The following SDK1 variants were observed in gnomAD, a reference collection of about 807,000 sequenced individuals.
SDK1 encodes sidekick cell adhesion molecule 1, also known as protein sidekick-1.
SDK1 carries 157 observed loss-of-function variants against 245.5 expected under a neutral mutation model. The ratio of observed to expected loss-of-function variants is 0.64; its 90% CI spans 0.56 to 0.73. The LOEUF is 0.73. Among genes scored for constraint, SDK1 ranks in the 30% least tolerant of loss-of-function variants. SDK1 has a pLI of 0.00. For missense variants in SDK1, 3,583 were observed against 3,002.3 expected, an observed-to-expected ratio of 1.19 and a Z score of -4.52; for synonymous variants, 1,647 against 1,278.5, an observed-to-expected ratio of 1.29 and a Z score of -6.15.
intron 1 of SDK1, among the ~76,000 whole-genome samples, chr7:3,537,034 C>G (rs1778909053): frequency 6.6e-6 from 1 of 152,098 alleles, no homozygotes; most frequent in Non-Finnish European, 1.5e-5. Flanking sequence ...CAGATTTTAA[C>G]TATACCCTCT....
At chr7:4,200,749 A>C (rs1055125676) in intron 35 of SDK1, among the ~76,000 whole-genome samples, 1 of 152,242 alleles carries the variant, frequency 6.6e-6, no homozygotes, top group Non-Finnish European at 1.5e-5. Context: ...GCAGTGCCAC[A>C]TTCTAGTCCT....
chr7:3,407,540 C>T lies in SDK1; in HGVS notation c.298+105656C>T, dbSNP rs533559355. Among the ~76,000 whole-genome samples, 45 of 152,250 alleles carry T rather than the reference C, an allele frequency of 3.0e-4. No individual in the cohort carries two copies. The South Asian group carries it at 8.5e-3, about 29-fold the overall frequency. On this transcript the variant is annotated intron_variant, in intron 1 of 44. Coordinates refer to ENST00000404826, the MANE Select transcript of SDK1 (RefSeq NM_152744.4). ...AATCAACATAGTGGCGGGATACTTA[C>T]ATCCAGAAATATGTTATCTAAGGGT...
At chr7:4,035,954 A>C (rs1469558630) in intron 17 of SDK1, among the ~76,000 whole-genome samples, 1 of 152,228 alleles carries the variant, frequency 6.6e-6, no homozygotes, top group African/African-American at 2.4e-5. Context: ...TTCAATCCGT[A>C]ACTATTCAAT....
intron 1 of SDK1, among the ~76,000 whole-genome samples, chr7:3,315,955 A>G (rs1779653825): frequency 6.6e-6 from 1 of 152,178 alleles, no homozygotes; most frequent in African/African-American, 2.4e-5. Flanking sequence ...ACTCCTTTGA[A>G]AGATGGATTG....
chr7:3,789,694 G>A (rs192514528), intron 4 of SDK1, among the ~76,000 whole-genome samples: 4 of 152,316 alleles, frequency 2.6e-5, no homozygotes, highest in East Asian at 3.9e-4. Flanking sequence ...CCATGAAGAT[G>A]ATAGAAAGAC....
At chr7:3,441,004 ATAAT>A (rs1185044898) in intron 1 of SDK1, among the ~76,000 whole-genome samples, 5 of 152,204 alleles carry the variant, frequency 3.3e-5, no homozygotes. Flanking sequence ...AAGAATACAG[ATAAT>A]CAGTAGTAGC....
chr7:4,256,343 A>G (rs910136548), intron 44 of SDK1, among the ~76,000 whole-genome samples: 3 of 152,252 alleles, frequency 2.0e-5, no homozygotes, highest in Non-Finnish European at 4.4e-5. Flanking sequence ...CTTCATGGCT[A>G]GTAACTCTGA....
rs1385577262 is a variant in SDK1 at position 3,937,874 on chromosome 7, G to A, written c.848-13049G>A. Among the ~76,000 whole-genome samples, 3 of 151,962 alleles carry A rather than the reference G, an allele frequency of 2.0e-5. No individual in the cohort carries two copies. In the East Asian group the frequency reaches 5.8e-4, roughly 29 times the overall value. On this transcript the variant is annotated intron_variant, in intron 5 of 44. Coordinates refer to ENST00000404826, the MANE Select transcript of SDK1 (RefSeq NM_152744.4). The stretch of plus-strand genomic sequence containing the variant: ...TTTCTTTGAGACAGAGTCTCACTCT[G>A]TCGCCCAGACTGGAGTGCAGTGACG...
At chr7:4,049,283 G>A (rs1000268273) in intron 17 of SDK1, 65 bp from the exon 18 acceptor site, 65 of 1,249,250 alleles carry the variant, frequency 5.2e-5, no homozygotes, top group Non-Finnish European at 7.3e-5. Context: ...TTTCCTTTCT[G>A]TCTCTCCACC....
At chr7:3,305,844 G>A (rs1287182236) in intron 1 of SDK1, among the ~76,000 whole-genome samples, 2 of 152,136 alleles carry the variant, frequency 1.3e-5, no homozygotes, top group African/African-American at 4.8e-5. Flanking sequence ...ACCTTTACGT[G>A]CCAAGCACTA....
chr7:4,261,190 A>G (rs1449572707), intron 44 of SDK1, among the ~76,000 whole-genome samples: 1 of 152,100 alleles, frequency 6.6e-6, no homozygotes. Flanking sequence ...GACAGATCCA[A>G]GTCCCTAGGT....
intron 1 of SDK1, among the ~76,000 whole-genome samples, chr7:3,360,118 A>C (rs1351975824): frequency 1.3e-5 from 2 of 152,226 alleles, no homozygotes; most frequent in Non-Finnish European, 2.9e-5. Flanking sequence ...CAGCATTCTT[A>C]GACCAGAGCC....
intron 5 of SDK1, among the ~76,000 whole-genome samples, chr7:3,845,488 CAAAAAA>C (rs369588343): frequency 7.5e-5 from 3 of 40,192 alleles, no homozygotes; most frequent in South Asian, 2.5e-3. Flanking sequence ...GACTCCGTCT[CAAAAAA>C]AAAAAAAAAA....
At chr7:3,816,008 C>A (rs968654949) in intron 4 of SDK1, among the ~76,000 whole-genome samples, 1 of 141,942 alleles carries the variant, frequency 7.0e-6, no homozygotes. Flanking sequence ...GGGTACATAA[C>A]GAAATGAAGG....
chr7:4,072,594 G>A (rs998650457), intron 20 of SDK1, among the ~76,000 whole-genome samples: 2 of 152,236 alleles, frequency 1.3e-5, no homozygotes, highest in African/African-American at 4.8e-5. Context: ...TGAAGGCAGA[G>A]TGTCTCATTG....
At position 3,550,434 on chromosome 7, in the gene SDK1, C is replaced by T. The variant is rs1250777024; in HGVS notation, c.299-68646C>T. Among the ~76,000 whole-genome samples, 4 of 152,196 alleles carry T rather than the reference C, an allele frequency of 2.6e-5. 1 individual carries two copies. The South Asian group carries it at 6.2e-4, about 24-fold the overall frequency. ...TTAGACAAGTTCAAAGCAGTCCTGA[C>T]GCTCACTTGACTAAGGCATGTGCCT... On this transcript the variant is annotated intron_variant, in intron 1 of 44. Coordinates refer to ENST00000404826, the MANE Select transcript of SDK1 (RefSeq NM_152744.4).
At chr7:3,582,683 TAAAAAAAAA>T (rs71029682) in intron 1 of SDK1, among the ~76,000 whole-genome samples, 4 of 69,684 alleles carry the variant, frequency 5.7e-5, no homozygotes, top group East Asian at 5.9e-4. Flanking sequence ...TAAACTAAAG[TAAAAAAAAA>T]AAAAAAAAAA....
intron 1 of SDK1, among the ~76,000 whole-genome samples, chr7:3,554,938 G>C (rs558982868): frequency 1.3e-5 from 2 of 151,986 alleles, no homozygotes; most frequent in African/African-American, 4.8e-5. Flanking sequence ...AAGAGGACAC[G>C]CAAAAAAATG....
intron 1 of SDK1, among the ~76,000 whole-genome samples, chr7:3,426,745 CAAAT>C (rs1562479859): frequency 6.6e-6 from 1 of 152,222 alleles, no homozygotes; most frequent in African/African-American, 2.4e-5. Flanking sequence ...TTTTAACTCT[CAAAT>C]AAATTAATTC....
Sources: gnomAD v4.1 joint callset for allele counts (sites outside exome capture counted in the v4.1 genomes callset) on GRCh38, gnomAD v4.1.1 for gene constraint, MANE v1.5 for transcripts, NCBI Gene and HGNC (gene_info 2026-07-23, HGNC 2026-07-21) for gene names.